The following SMARCD1 variants were observed in gnomAD, a reference collection of about 807,000 sequenced individuals.
SMARCD1 encodes the protein SWI/SNF-related matrix-associated actin-dependent regulator of chromatin subfamily D member 1.
In SMARCD1, 16 loss-of-function variants were observed where a neutral mutation model predicts 70.8. The ratio of observed to expected loss-of-function variants is 0.23; its 90% CI spans 0.15 to 0.34. The LOEUF is 0.34. Ranked by LOEUF, SMARCD1 falls within the 10% of genes least tolerant of loss-of-function variation. SMARCD1 has a pLI of 1.00. For synonymous variants in SMARCD1, 249 were observed against 246.0 expected, an observed-to-expected ratio of 1.01 and a Z score of -0.11; for missense variants, 409 against 655.5, an observed-to-expected ratio of 0.62 and a Z score of 4.11.
chr12:50,096,335 A>T (rs941314696), intron 10 of SMARCD1, among the ~76,000 whole-genome samples: 9 of 152,138 alleles, frequency 5.9e-5, no homozygotes, highest in Admixed American at 5.2e-4. Flanking sequence ...GTTTAATGTC[A>T]AGTTTAAGCA....
intron 6 of SMARCD1, 102 bp from the exon 7 acceptor site, chr12:50,089,782 C>T: frequency 2.6e-6 from 2 of 781,712 alleles, no homozygotes; most frequent in South Asian, 3.3e-5. Context: ...TCTCCAGTAG[C>T]CTCAGTAATC....
In SMARCD1 at chr12:50,096,881, T is replaced by C. The variant is rs757995403; in HGVS notation, c.1301T>C (p.Leu434Pro). The C allele has an allele frequency of 6.2e-7, 1 of 1,613,674 alleles. No homozygotes were observed. ...GAGACAATAGAAACCATCAACCAGC[T>C]GAAGACTCAGCGGGAGTTCATGCTG... is the stretch of plus-strand genomic sequence containing the variant. The part of the protein sequence containing the change: ...IHETIETINQ[L>P]KTQREFMLSF... The change falls in exon 11 of 13, where the codon CTG (leucine) becomes CCG (proline). Residue 434 changes from leucine to proline, a missense_variant. Physicochemically the swap from Leu to Pro is moderately conservative, Grantham distance 98. Coordinates refer to ENST00000394963, the MANE Select transcript of SMARCD1 (RefSeq NM_003076.5).
intron 11 of SMARCD1, among the ~76,000 whole-genome samples, chr12:50,098,317 T>C (rs138900349): frequency 2.0e-5 from 3 of 152,210 alleles, no homozygotes; most frequent in Non-Finnish European, 4.4e-5. Flanking sequence ...CCAAAATCAG[T>C]GTGGGCAGCA....
rs563360016 is a variant in SMARCD1 at position 50,085,362 on chromosome 12, C to G, written c.-8C>G. The G allele has an allele frequency of 3.2e-5, 40 of 1,263,460 alleles. No homozygotes were observed. In the African/African-American group the frequency reaches 5.4e-4, roughly 17 times the overall value. The allele number at this position is 1,263,460 out of a possible 1,614,324, so 78.3% of individuals were successfully genotyped here. A position where few individuals can be genotyped will look rare whatever the true frequency, so the allele number is the denominator to read the frequency against. ...TCTTTGTGCGGCTGCATCGGCGGCTCCGGGAAGATGGCGGCCCGGGCGGGT... is the reference window on the plus strand; with the variant it reads ...TCTTTGTGCGGCTGCATCGGCGGCTGCGGGAAGATGGCGGCCCGGGCGGGT... On this transcript the variant is annotated 5_prime_UTR_variant, in exon 1 of 13. Transcript: ENST00000394963.
chr12:50,098,756 G>T lies in SMARCD1; in HGVS notation c.1435G>T (p.Ala479Ser), dbSNP rs1173923000. ...GGGTAACCCAGAGGAGGAGCGCCGAGCTGAGTTCTACTTCCAGCCCTGGGC... is the reference window on the plus strand; with the variant it reads ...GGGTAACCCAGAGGAGGAGCGCCGATCTGAGTTCTACTTCCAGCCCTGGGC... ...VVGNPEEERR[A>S]EFYFQPWAQE... Residue 479 changes from alanine (A) to serine (S), a missense_variant, in exon 12 of 13, where the codon GCT becomes TCT. Physicochemically the swap from Ala to Ser is moderately conservative, Grantham distance 99 (BLOSUM62 1). Coordinates refer to ENST00000394963, the MANE Select transcript of SMARCD1 (RefSeq NM_003076.5). 6.2e-7 allele frequency: 1 copy of T among 1,614,154 alleles called. No individual in the cohort carries two copies. The highest frequency in any genetic ancestry group is 1.7e-5 in the Admixed American group (1 of 60,018).
In SMARCD1 at chr12:50,096,907, A is replaced by C; in HGVS notation, c.1327A>C (p.Ser443Arg). ...GAAGACTCAGCGGGAGTTCATGCTG[A>C]GCTTTGCCAGAGACCCTCAGGGTTT... is the stretch of plus-strand genomic sequence containing the variant. Reference protein sequence around the residue: ...QLKTQREFMLSFARDPQGFIN... With the variant: ...QLKTQREFMLRFARDPQGFIN... Residue 443 changes from serine (S) to arginine (R), a missense_variant, in exon 11 of 13, where the codon AGC becomes CGC. Physicochemically the swap from Ser to Arg is moderately radical, Grantham distance 110. Around this residue, in one of 2 missense-constraint regions of SMARCD1, gnomAD observed 269 missense variants for 498.6 expected, o/e 0.54. Transcript: ENST00000394963. 6.2e-7 allele frequency: 1 copy of C among 1,614,088 alleles called. No individual in the cohort carries two copies. The highest frequency in any genetic ancestry group is 8.5e-7 in the Non-Finnish European group (1 of 1,179,922).
intron 11 of SMARCD1, 100 bp downstream of exon 11, chr12:50,097,072 G>A: frequency 8.3e-7 from 1 of 1,209,034 alleles, no homozygotes; most frequent in Non-Finnish European, 1.1e-6. Context: ...GAAGGAGTGA[G>A]GGGCCAGATT....
At chr12:50,093,142 C>T (rs570187732) in intron 9 of SMARCD1, among the ~76,000 whole-genome samples, 3 of 151,788 alleles carry the variant, frequency 2.0e-5, no homozygotes, top group Admixed American at 6.5e-5. Flanking sequence ...CGCCACTGCA[C>T]TCCAGCATAG....
chr12:50,092,207 G>A (rs1030296305), intron 9 of SMARCD1, among the ~76,000 whole-genome samples: 9 of 147,364 alleles, frequency 6.1e-5, no homozygotes, highest in Non-Finnish European at 1.2e-4. Context: ...TCTGGTAAGG[G>A]CTTTCTTTTC....
At position 50,094,561 on chromosome 12, in the gene SMARCD1, C is replaced by T. The variant is rs1456888683; in HGVS notation, c.1258C>T (p.Leu420=). Residue 420 remains leucine (L), a synonymous_variant, in exon 10 of 13, where the codon CTA becomes TTA. Transcript: ENST00000394963. ...TGCCAGCCAACAGGAGATTGCTACT[C>T]TAGACAACAAGGTAGGGGTCTGTGC... ...STASQQEIAT[L]DNKIHETIET... 6.2e-7 allele frequency: 1 copy of T among 1,614,128 alleles called. No homozygotes were observed. Among genetic ancestry groups the T allele is most frequent in the South Asian group, 1.1e-5 (1 of 91,084 alleles).
chr12:50,090,066 G>C, intron 7 of SMARCD1, 81 bp downstream of exon 7: 1 of 1,385,556 alleles, frequency 7.2e-7, no homozygotes, highest in South Asian at 1.2e-5. Context: ...TTTATGTCTA[G>C]TTGTGAATAA....
In SMARCD1 at chr12:50,086,145, C is replaced by T. The variant is rs764658462; in HGVS notation, c.178-16C>T. 2.0e-6 allele frequency: 3 copies of T among 1,480,896 alleles called. No homozygotes were observed. Among genetic ancestry groups the T allele is most frequent in the South Asian group, 2.9e-5 (2 of 68,788 alleles). 91.7% of individuals were successfully genotyped at this position (1,480,896 alleles called of 1,614,324 possible). A position where few individuals can be genotyped will look rare whatever the true frequency, so the allele number is the denominator to read the frequency against. On this transcript the variant is annotated splice_polypyrimidine_tract_variant and intron_variant, in intron 1 of 12. Transcript: ENST00000394963. ...AGGTGAAACCATGACATCTCTGGGT[C>T]CTCTCCCCTCTGTAGAGACCAGGTA...
At chr12:50,089,534 G>A (rs919079789) in intron 6 of SMARCD1, 8 of 192,206 alleles carry the variant, frequency 4.2e-5, no homozygotes, top group Non-Finnish European at 8.7e-5. Context: ...ATAGATGTTC[G>A]GGAAGTGAGA....
intron 4 of SMARCD1, 26 bp from the exon 5 acceptor site, chr12:50,087,337 A>G (rs1476068482): frequency 3.7e-6 from 6 of 1,611,904 alleles, no homozygotes; most frequent in Non-Finnish European, 5.1e-6. Flanking sequence ...AAGCCCCACG[A>G]TCAATCCTGT....
chr12:50,086,348 A>G lies in SMARCD1; in HGVS notation c.365A>G (p.Asn122Ser), dbSNP rs747185206. The G allele has an allele frequency of 4.2e-6, 4 of 957,940 alleles. No homozygotes were observed. The highest frequency in any genetic ancestry group is 1.7e-5 in the African/African-American group (1 of 58,722). The allele number at this position is 957,940 out of a possible 1,614,324, so 59.3% of individuals were successfully genotyped here. A position where few individuals can be genotyped will look rare whatever the true frequency, so the allele number is the denominator to read the frequency against. The change falls in exon 2 of 13, where the codon AAT (asparagine) becomes AGT (serine). Residue 122 changes from asparagine to serine, a missense_variant and splice_region_variant. Coordinates refer to ENST00000394963, the MANE Select transcript of SMARCD1 (RefSeq NM_003076.5). ...CAGGCGGTCCAAAATCGAAACCACA[A>G]GTAAGATGATCCTGGGGCAGAGGGA... Reference protein sequence around the residue: ...QQQAVQNRNHNAKKKKMADKI... With the variant: ...QQQAVQNRNHSAKKKKMADKI...
At chr12:50,095,173 G>T (rs1950881556) in intron 10 of SMARCD1, among the ~76,000 whole-genome samples, 1 of 152,190 alleles carries the variant, frequency 6.6e-6, no homozygotes, top group South Asian at 2.1e-4. Context: ...ACTGTATCTG[G>T]CACATAAAAA....
intron 5 of SMARCD1, among the ~76,000 whole-genome samples, chr12:50,088,043 C>T (rs1284583979): frequency 6.6e-6 from 1 of 152,188 alleles, no homozygotes; most frequent in African/African-American, 2.4e-5. Context: ...TAGCTGCTCG[C>T]AGGCAAGCTA....
chr12:50,094,709 A>G (rs745467726), intron 10 of SMARCD1, 137 bp downstream of exon 10: 11 of 778,744 alleles, frequency 1.4e-5, no homozygotes, highest in Non-Finnish European at 2.1e-5. Context: ...TGCTGGTTTG[A>G]GCCAGACTCA....
intron 10 of SMARCD1, among the ~76,000 whole-genome samples, chr12:50,095,515 C>T (rs571005325): frequency 5.3e-4 from 80 of 152,106 alleles, no homozygotes; most frequent in African/African-American, 1.6e-3. Flanking sequence ...TTAGTAGAGA[C>T]GGAGTTTCAC....
Sources: gnomAD v4.1 joint callset for allele counts (sites outside exome capture counted in the v4.1 genomes callset) on GRCh38, gnomAD v4.1.1 for gene constraint, gnomAD v4.1.1 regional missense constraint, MANE v1.5 for transcripts, NCBI Gene and HGNC (gene_info 2026-07-23, HGNC 2026-07-21) for gene names.